MYO18B: variants seen among roughly 807,000 people sequenced by gnomAD.
The protein encoded by MYO18B is myosin XVIIIB.
In MYO18B, 204 loss-of-function variants were observed where a neutral mutation model predicts 273.0. The observed-to-expected ratio is 0.75, with a 90% CI of 0.67 to 0.84. The LOEUF is 0.84. MYO18B is among the 40% of genes least tolerant of loss of function. The probability of loss-of-function intolerance (pLI) is 0.00; values close to 1 mark genes in which losing one functional copy is unlikely to be tolerated. For missense variants in MYO18B, 3,212 were observed against 3,287.6 expected (o/e 0.98, Z 0.56); for synonymous variants, 1,330 against 1,305.7 (o/e 1.02, Z -0.40).
intron 39 of MYO18B, among the ~76,000 whole-genome samples, chr22:25,987,017 A>G (rs896351346): frequency 6.6e-5 from 10 of 152,202 alleles, no homozygotes; most frequent in Admixed American, 1.3e-4. Context: ...ATTTTCGTCA[A>G]GTTTCAAAAG....
intron 34 of MYO18B, among the ~76,000 whole-genome samples, chr22:25,932,512 G>A (rs1038896861): frequency 3.3e-5 from 5 of 150,928 alleles, no homozygotes; most frequent in Non-Finnish European, 4.4e-5. Flanking sequence ...GGGTTCAAGC[G>A]ATTCCGCTGT....
chr22:25,826,682 C>A (rs1441095678), intron 14 of MYO18B, among the ~76,000 whole-genome samples, 183 bp downstream of exon 14: 7 of 152,224 alleles, frequency 4.6e-5, no homozygotes, highest in African/African-American at 1.7e-4. Flanking sequence ...AATCAGTTCA[C>A]TTCTCTGATC....
At chr22:25,817,163 A>G (rs935929567) in intron 12 of MYO18B, among the ~76,000 whole-genome samples, 3 of 152,094 alleles carry the variant, frequency 2.0e-5, no homozygotes, top group South Asian at 4.2e-4. Flanking sequence ...CGGCAGTTTC[A>G]TTACTTTCCC....
chr22:25,912,507 G>T lies in MYO18B; in HGVS notation c.5364+1457G>T, dbSNP rs2092177850. Among the ~76,000 whole-genome samples, 3 of 152,144 alleles carry T rather than the reference G, an allele frequency of 2.0e-5. No homozygotes were observed. In the South Asian group the frequency reaches 6.2e-4, roughly 31 times the overall value. Reference sequence around the variant, plus strand: ...GAAGGTAAGTTTAAATGAATAAAAAGCCATCTTTGTGTTAGTCACCAAGTT... The same window carrying T: ...GAAGGTAAGTTTAAATGAATAAAAATCCATCTTTGTGTTAGTCACCAAGTT... On this transcript the variant is annotated intron_variant, in intron 33 of 43. Transcript: ENST00000335473.
chr22:26,035,946 GA>G (rs1936769745), downstream of MYO18B, among the ~76,000 whole-genome samples: 1 of 152,200 alleles, frequency 6.6e-6, no homozygotes, highest in Non-Finnish European at 1.5e-5. Flanking sequence ...TCAAGTTTCA[GA>G]GGCCCTCTCC....
intron 41 of MYO18B, among the ~76,000 whole-genome samples, chr22:26,003,862 G>C (rs1934196371): frequency 6.6e-6 from 1 of 152,080 alleles, no homozygotes; most frequent in Non-Finnish European, 1.5e-5. Context: ...TAGAGGCACA[G>C]AGGGTAGGTT....
At chr22:26,002,460 A>C (rs887719477) in intron 40 of MYO18B, among the ~76,000 whole-genome samples, 1 of 152,154 alleles carries the variant, frequency 6.6e-6, no homozygotes, top group Non-Finnish European at 1.5e-5. Context: ...CAGGCTTTTG[A>C]GGGTGGGAGC....
At chr22:26,010,795 C>T (rs1395886809) in intron 42 of MYO18B, among the ~76,000 whole-genome samples, 1 of 152,142 alleles carries the variant, frequency 6.6e-6, no homozygotes, top group African/African-American at 2.4e-5. Context: ...GTGGGCTAAA[C>T]TCACAGCAGA....
chr22:25,978,827 G>A (rs979428813), intron 39 of MYO18B, among the ~76,000 whole-genome samples: 4 of 152,150 alleles, frequency 2.6e-5, no homozygotes, highest in Non-Finnish European at 5.9e-5. Flanking sequence ...GGTGGTGGGC[G>A]CCTATTGTCC....
chr22:25,763,445 T>G, intron 3 of MYO18B, 56 bp downstream of exon 3: 1 of 1,555,572 alleles, frequency 6.4e-7, no homozygotes, highest in South Asian at 1.2e-5. Flanking sequence ...TCATTCTGTC[T>G]TGTGAGCTTC....
At chr22:25,855,198 G>A (rs2090530979) in intron 21 of MYO18B, among the ~76,000 whole-genome samples, 2 of 151,570 alleles carry the variant, frequency 1.3e-5, no homozygotes, top group South Asian at 4.2e-4. Context: ...AGAACATGTG[G>A]TATTTGGTTT....
intron 39 of MYO18B, among the ~76,000 whole-genome samples, chr22:25,958,359 G>A (rs943676983): frequency 2.0e-5 from 3 of 152,092 alleles, no homozygotes; most frequent in Non-Finnish European, 4.4e-5. Context: ...ACATCCTGTC[G>A]TTTCCTTAAT....
chr22:25,796,796 C>T (rs1208449987), intron 11 of MYO18B, among the ~76,000 whole-genome samples: 4 of 152,130 alleles, frequency 2.6e-5, no homozygotes, highest in African/African-American at 9.7e-5. Context: ...ATCGTGGGGG[C>T]ACGTATCAGT....
intron 42 of MYO18B, among the ~76,000 whole-genome samples, chr22:26,015,167 T>A (rs1023701499): frequency 1.3e-5 from 2 of 152,256 alleles, no homozygotes; most frequent in Non-Finnish European, 2.9e-5. Flanking sequence ...CTAGGTTGTC[T>A]TCCAGAGTTT....
At chr22:25,797,203 G>A (rs1045718939) in intron 11 of MYO18B, among the ~76,000 whole-genome samples, 1 of 152,226 alleles carries the variant, frequency 6.6e-6, no homozygotes, top group African/African-American at 2.4e-5. Flanking sequence ...ACTCCAGCCT[G>A]GGCAACAGAG....
chr22:25,989,062 T>C (rs1286782735), intron 39 of MYO18B, among the ~76,000 whole-genome samples: 1 of 152,182 alleles, frequency 6.6e-6, no homozygotes, highest in Non-Finnish European at 1.5e-5. Flanking sequence ...CTCTCTCCTC[T>C]ACCCTCCAGG....
At chr22:25,936,402 C>T (rs563007828) in intron 34 of MYO18B, among the ~76,000 whole-genome samples, 1 of 152,216 alleles carries the variant, frequency 6.6e-6, no homozygotes, top group Admixed American at 6.5e-5. Context: ...TGAAAGGAGG[C>T]CTGCTTTACT....
intron 39 of MYO18B, among the ~76,000 whole-genome samples, chr22:25,986,146 A>G (rs1408205963): frequency 3.3e-5 from 5 of 152,232 alleles, no homozygotes; most frequent in Non-Finnish European, 4.4e-5. Flanking sequence ...ACCTGAGCTT[A>G]GCTCTAGATC....
At chr22:25,943,029 G>GAA (rs1469426165) in intron 34 of MYO18B, among the ~76,000 whole-genome samples, 1 of 152,156 alleles carries the variant, frequency 6.6e-6, no homozygotes, top group Non-Finnish European at 1.5e-5. Context: ...TCATGCTGCT[G>GAA]AAACCCTCTG....
Sources: allele counts gnomAD v4.1 joint callset (sites outside exome capture counted in the v4.1 genomes callset), GRCh38; gene constraint gnomAD v4.1.1; transcripts MANE v1.5; gene names NCBI Gene and HGNC (gene_info 2026-07-23, HGNC 2026-07-21).